Variants in CISTR observed in about 807,000 individuals in gnomAD.
CISTR encodes the protein chondrogenic regulator lncRNA.
At chr12:53,748,714 CCCAGGGCCAGGA>C (rs1444848943) in intron 2 of CISTR, among the ~76,000 whole-genome samples, 136 of 152,244 alleles carry the variant, frequency 8.9e-4, no homozygotes, top group Non-Finnish European at 6.9e-4. Flanking sequence ...GGCACACTGA[CCCAGGGCCAGGA>C]CCAGGGCCAG....
intron 1 of CISTR, among the ~76,000 whole-genome samples, chr12:53,753,702 G>GTGTA (rs1278700969): frequency 3.3e-5 from 4 of 122,200 alleles, no homozygotes; most frequent in Non-Finnish European, 5.4e-5. Flanking sequence ...GTGTGTGTGT[G>GTGTA]TATGTGTGTG....
rs1937847859 is a variant in CISTR at position 53,751,351 on chromosome 12, G to A, written n.415-386C>T. ...GATCTAATGGCTCCTTTGGCAGTGG[G>A]AAGGGGTGTGCGTGGGTGTCCTCTC... On this transcript the variant is annotated intron_variant and non_coding_transcript_variant, in intron 1 of 2. Transcript: ENST00000669269. The surrounding 1 kb of genome is among the most constrained non-coding windows in gnomAD (Gnocchi z 4.6). 6.6e-6 allele frequency among the ~76,000 whole-genome samples: 1 copy of A among 152,182 alleles called. No individual in the cohort carries two copies. Among genetic ancestry groups the A allele is most frequent in the East Asian group, 1.9e-4 (1 of 5,182 alleles).
intron 2 of CISTR, among the ~76,000 whole-genome samples, chr12:53,749,563 T>C (rs1937823174): frequency 6.6e-6 from 1 of 150,986 alleles, no homozygotes; most frequent in African/African-American, 2.4e-5. Flanking sequence ...TTTTTTAGGG[T>C]GACCCTGTCA....
intron 2 of CISTR, among the ~76,000 whole-genome samples, chr12:53,747,195 G>A (rs1054884616): frequency 2.6e-5 from 4 of 152,212 alleles, no homozygotes; most frequent in African/African-American, 7.2e-5. Flanking sequence ...GTGCTTCTGG[G>A]CTTCTTGGAA....
chr12:53,747,627 T>G (rs1001400998), intron 2 of CISTR, among the ~76,000 whole-genome samples: 1 of 151,542 alleles, frequency 6.6e-6, no homozygotes, highest in South Asian at 2.1e-4. Flanking sequence ...TTACTGGGGG[T>G]GGTGGGTCGG....
chr12:53,754,656 A>C (rs1937895837), intron 1 of CISTR: 1 of 152,242 alleles, frequency 6.6e-6, no homozygotes, highest in South Asian at 2.1e-4. Context: ...ATTAGGCTTT[A>C]AAAATCATCC....
At chr12:53,755,308 GGT>G (rs3058893) in intron 1 of CISTR, among the ~76,000 whole-genome samples, 2,831 of 147,026 alleles carry the variant, frequency 0.019, 54 homozygotes, top group African/African-American at 0.048. Flanking sequence ...TCCTGTTTGG[GGT>G]GTGTGTGTGT....
At chr12:53,748,801 A>C (rs1937811233) in intron 2 of CISTR, among the ~76,000 whole-genome samples, 1 of 151,962 alleles carries the variant, frequency 6.6e-6, no homozygotes, top group South Asian at 2.1e-4. Context: ...GGGGAGGGAG[A>C]AGATGGGTTT....
chr12:53,756,947 G>C lies in CISTR; in HGVS notation n.281C>G, dbSNP rs1364785475. 6.6e-6 allele frequency: 1 copy of C among 152,328 alleles called. No individual in the cohort carries two copies. The highest frequency in any genetic ancestry group is 1.5e-5 in the Non-Finnish European group (1 of 68,060). The allele number at this position is 152,328 out of a possible 1,614,324, so 9.4% of individuals were successfully genotyped here. ...AACAGATGTGTGGATAAAAAGGAGG[G>C]GAGAGGGAGGAACTGTGGCCCTTGG... On this transcript the variant is annotated non_coding_transcript_exon_variant, in exon 1 of 3. Transcript: ENST00000669269. The surrounding 1 kb of genome is among the most constrained non-coding windows in gnomAD (Gnocchi z 4.0).
intron 2 of CISTR, among the ~76,000 whole-genome samples, chr12:53,748,327 G>A (rs1937806048): frequency 2.0e-5 from 3 of 152,182 alleles, no homozygotes; most frequent in Non-Finnish European, 2.9e-5. Context: ...CCAACACTGC[G>A]GGGCAGGAAA....
At chr12:53,747,126 T>C (rs1937791962) in intron 2 of CISTR, among the ~76,000 whole-genome samples, 1 of 152,136 alleles carries the variant, frequency 6.6e-6, no homozygotes, top group Non-Finnish European at 1.5e-5. Context: ...ACTCAGAGTT[T>C]TAAAATCAGG....
At position 53,756,496 on chromosome 12, in the gene CISTR, G is replaced by A. The variant is rs1475789265; in HGVS notation, n.414+318C>T. On this transcript the variant is annotated intron_variant and non_coding_transcript_variant, in intron 1 of 2. Transcript: ENST00000669269. This position sits in a 1 kb window ranked among gnomAD's most constrained non-coding sequence, Gnocchi z 4.0. ...AGGCCTTGAAATCCTGGGCTCAGGC[G>A]ATCCTCCTGCCTCAGCCTTCCAAAG... Among the ~76,000 whole-genome samples the A allele has an allele frequency of 1.3e-5, 2 of 152,152 alleles. No homozygotes were observed.
chr12:53,753,953 G>A (rs1164226394), intron 1 of CISTR, among the ~76,000 whole-genome samples: 1 of 152,124 alleles, frequency 6.6e-6, no homozygotes, highest in African/African-American at 2.4e-5. Flanking sequence ...CTGACTTCCT[G>A]GGCCCTGATA....
intron 2 of CISTR, among the ~76,000 whole-genome samples, chr12:53,748,021 G>A (rs952605471): frequency 1.3e-5 from 2 of 152,180 alleles, no homozygotes; most frequent in African/African-American, 4.8e-5. Flanking sequence ...CTGGGTGGGA[G>A]AGGGGGCCCT....
chr12:53,749,535 G>A (rs1937822403), intron 2 of CISTR, among the ~76,000 whole-genome samples: 1 of 118,744 alleles, frequency 8.4e-6, no homozygotes, highest in Non-Finnish European at 1.7e-5. Flanking sequence ...CAATCAATGA[G>A]TTTTTCTTTC....
At chr12:53,747,611 A>G (rs1051312004) in intron 2 of CISTR, among the ~76,000 whole-genome samples, 2 of 152,084 alleles carry the variant, frequency 1.3e-5, no homozygotes, top group Non-Finnish European at 2.9e-5. Flanking sequence ...GGGGCCAGAT[A>G]CTGAGTTACT....
intron 2 of CISTR, among the ~76,000 whole-genome samples, chr12:53,749,280 T>C (rs1041451693): frequency 6.9e-6 from 1 of 144,204 alleles, no homozygotes; most frequent in Non-Finnish European, 1.5e-5. Context: ...AGAAATATGA[T>C]GGAGGCAAGA....
At chr12:53,746,356 ATGGTTTTATTTCAGGAGC>A (rs1274766511) in exon 3 of CISTR, among the ~76,000 whole-genome samples, 1 of 152,096 alleles carries the variant, frequency 6.6e-6, no homozygotes, top group African/African-American at 2.4e-5. Flanking sequence ...CCTGTAGGGT[ATGGTTTTATTTCAGGAGC>A]TGCAGCTGAC....
rs1297033964 is a variant in CISTR, at chr12:53,753,704, ATG to A, written n.415-2741_415-2740del. Among the ~76,000 whole-genome samples the A allele has an allele frequency of 7.2e-4, 63 of 88,012 alleles. No homozygotes were observed. In the South Asian group the frequency reaches 0.022, roughly 31 times the overall value. 57.7% of individuals were successfully genotyped at this position (88,012 alleles called of 152,430 possible). ...TGTGTGTGTGTGTGTGTGTGTGTGT[ATG>A]TGTGTGTGTCTGTGTGTTGGGGCAT... On this transcript the variant is annotated intron_variant and non_coding_transcript_variant, in intron 1 of 2. Coordinates refer to ENST00000669269, the Ensembl canonical transcript of CISTR.
Sources: allele counts gnomAD v4.1 joint callset (sites outside exome capture counted in the v4.1 genomes callset), GRCh38; gene constraint gnomAD v4.1.1; non-coding constraint Gnocchi (gnomAD v3.1); transcripts MANE v1.5; gene names NCBI Gene and HGNC (gene_info 2026-07-23, HGNC 2026-07-21).